SKIC3: variants seen among roughly 807,000 people sequenced by gnomAD.
SKIC3 encodes the protein SKI3 subunit of superkiller complex, also known as superkiller complex protein 3.
chr5:95,507,896 G>T, the SKIC3 span, among the ~76,000 whole-genome samples: 4 of 147,172 alleles, frequency 2.7e-5, no homozygotes, highest in Non-Finnish European at 5.9e-5. Context: ...ACCAATGTTA[G>T]ATTCACAATA....
the SKIC3 span, among the ~76,000 whole-genome samples, chr5:95,532,581 T>G: frequency 5.3e-5 from 8 of 152,134 alleles, no homozygotes; most frequent in African/African-American, 1.9e-4. Flanking sequence ...GCTAAATAAA[T>G]ACCTTGGTGG....
the SKIC3 span, among the ~76,000 whole-genome samples, chr5:95,536,029 A>G: frequency 6.6e-6 from 1 of 152,236 alleles, no homozygotes; most frequent in African/African-American, 2.4e-5. Flanking sequence ...CCAAAAGGAA[A>G]GAGGCTGGTG....
At chr5:95,509,962 T>C in the SKIC3 span, among the ~76,000 whole-genome samples, 1 of 152,220 alleles carries the variant, frequency 6.6e-6, no homozygotes, top group South Asian at 2.1e-4. Flanking sequence ...GAAATTATAG[T>C]TCTTGTTAAA....
At chr5:95,506,284 T>C in the SKIC3 span, among the ~76,000 whole-genome samples, 31 of 152,328 alleles carry the variant, frequency 2.0e-4, 1 homozygote, top group African/African-American at 7.5e-4. Context: ...TTAAAAGATG[T>C]AGCACTAATC....
At chr5:95,548,968 C>A in the SKIC3 span, among the ~76,000 whole-genome samples, 2 of 151,996 alleles carry the variant, frequency 1.3e-5, no homozygotes, top group Non-Finnish European at 2.9e-5. Flanking sequence ...AAACTACATG[C>A]AGCCCCCAAG....
the SKIC3 span, among the ~76,000 whole-genome samples, chr5:95,505,535 C>T: frequency 2.0e-5 from 3 of 152,024 alleles, no homozygotes; most frequent in Non-Finnish European, 2.9e-5. Context: ...ACCTGAAGGC[C>T]GGGCACGGTG....
At chr5:95,500,239 A>G in the SKIC3 span, among the ~76,000 whole-genome samples, 50 of 152,328 alleles carry the variant, frequency 3.3e-4, no homozygotes, top group South Asian at 1.7e-3. Context: ...TATTCTCCAA[A>G]GCGGAAATTC....
At chr5:95,470,815 C>T in the SKIC3 span, among the ~76,000 whole-genome samples, 1 of 151,858 alleles carries the variant, frequency 6.6e-6, no homozygotes, top group African/African-American at 2.4e-5. Flanking sequence ...TCAGAAATAA[C>T]AAAGGTAAGT....
the SKIC3 span, chr5:95,525,570 T>A: frequency 6.2e-7 from 1 of 1,614,006 alleles, no homozygotes; most frequent in Non-Finnish European, 8.5e-7. Context: ...ATGCTCAGTT[T>A]GAATAAAAAA....
At chr5:95,537,151 A>T in the SKIC3 span, 2 of 1,607,546 alleles carry the variant, frequency 1.2e-6, no homozygotes, top group Non-Finnish European at 1.7e-6. Context: ...GCTGAAACAA[A>T]TAAAAAAGCT....
chr5:95,510,384 T>C, the SKIC3 span, among the ~76,000 whole-genome samples: 1 of 152,224 alleles, frequency 6.6e-6, no homozygotes, highest in Non-Finnish European at 1.5e-5. Context: ...ACCCCCTTCT[T>C]GCCTAGCGAC....
chr5:95,506,097 T>C, the SKIC3 span, among the ~76,000 whole-genome samples: 1 of 152,240 alleles, frequency 6.6e-6, no homozygotes, highest in Non-Finnish European at 1.5e-5. Flanking sequence ...CAACAAAATC[T>C]TGGAACTGAC....
At chr5:95,464,731 T>C in the SKIC3 span, 16 of 1,490,316 alleles carry the variant, frequency 1.1e-5, no homozygotes, top group Admixed American at 2.6e-4. Context: ...ATTAACAATA[T>C]CTATATTTTG....
chr5:95,517,294 A>G, the SKIC3 span: 3 of 1,613,308 alleles, frequency 1.9e-6, no homozygotes, highest in Admixed American at 1.7e-5. Flanking sequence ...TTCCAGAGGC[A>G]GGACACATCA....
the SKIC3 span, among the ~76,000 whole-genome samples, chr5:95,514,418 G>A: frequency 6.6e-6 from 1 of 152,102 alleles, no homozygotes; most frequent in Non-Finnish European, 1.5e-5. Context: ...ATAAACAAGT[G>A]ACAAACCAAA....
At chr5:95,486,169 C>T in the SKIC3 span, among the ~76,000 whole-genome samples, 5 of 152,110 alleles carry the variant, frequency 3.3e-5, no homozygotes, top group Admixed American at 2.0e-4. Flanking sequence ...ATTTTGAGAG[C>T]CCAGCCCTCT....
At chr5:95,544,661 C>T in the SKIC3 span, among the ~76,000 whole-genome samples, 2 of 152,284 alleles carry the variant, frequency 1.3e-5, no homozygotes, top group Non-Finnish European at 1.5e-5. Flanking sequence ...ATGTTCCCAA[C>T]ACCAGGTACA....
the SKIC3 span, among the ~76,000 whole-genome samples, chr5:95,526,584 C>T: frequency 4.6e-5 from 7 of 152,112 alleles, no homozygotes; most frequent in Admixed American, 2.6e-4. Context: ...AGCGATTCTC[C>T]TGCCTCAGCC....
chr5:95,522,349 T>C, the SKIC3 span: 2 of 1,603,552 alleles, frequency 1.2e-6, no homozygotes, highest in Admixed American at 3.4e-5. Flanking sequence ...AGTATGGAAC[T>C]ATCTCCAAAT....
Sources: gnomAD v4.1 joint callset for allele counts (sites outside exome capture counted in the v4.1 genomes callset) on GRCh38, gnomAD v4.1.1 for gene constraint, MANE v1.5 for transcripts, NCBI Gene and HGNC (gene_info 2026-07-23, HGNC 2026-07-21) for gene names.